KIAA2012: variants seen among roughly 807,000 people sequenced by gnomAD.
The protein encoded by KIAA2012 is KIAA2012.
Under a neutral mutation model 150.6 loss-of-function variants are expected in KIAA2012, and 125 were observed. The ratio of observed to expected loss-of-function variants is 0.83; its 90% CI spans 0.72 to 0.96. The LOEUF (loss-of-function observed/expected upper bound fraction) is 0.96, where lower values mean the gene tolerates loss of function less well. Ranked by LOEUF, KIAA2012 falls within the 40% of genes least tolerant of loss-of-function variation. The probability of loss-of-function intolerance (pLI) is 0.00; values close to 1 mark genes in which losing one functional copy is unlikely to be tolerated. For missense variants in KIAA2012, 1,219 were observed against 1,354.9 expected (o/e 0.90, Z 1.57); for synonymous variants, 462 against 504.7 (o/e 0.92, Z 1.13).
intron 9 of KIAA2012, among the ~76,000 whole-genome samples, chr2:202,107,317 A>C (rs1234231461): frequency 6.6e-6 from 1 of 152,118 alleles, no homozygotes; most frequent in Non-Finnish European, 1.5e-5. Flanking sequence ...AGGTTTCGAG[A>C]ATGTCCTTTG....
At chr2:202,117,973 A>G (rs1386786896) in intron 11 of KIAA2012, among the ~76,000 whole-genome samples, 1 of 151,742 alleles carries the variant, frequency 6.6e-6, no homozygotes, top group African/African-American at 2.4e-5. Context: ...GATGATTTCT[A>G]AGGTTCTCCT....
In KIAA2012 at chr2:202,113,245, C is replaced by T. The variant is rs1293928424; in HGVS notation, c.1652-91C>T. ...ACATAGGCATCTACGGGTGTGTGCC[C>T]GCGGGGGACCAGGGGAACATGGCCC... On this transcript the variant is annotated intron_variant, in intron 10 of 23. Coordinates refer to ENST00000498697, the MANE Select transcript of KIAA2012 (RefSeq NM_001277372.4). The T allele has an allele frequency of 4.3e-5, 40 of 938,026 alleles. No individual in the cohort carries two copies. In the East Asian group the frequency reaches 9.2e-4, roughly 22 times the overall value. 58.1% of individuals were successfully genotyped at this position (938,026 alleles called of 1,614,324 possible).
In KIAA2012 at chr2:202,193,420, G is replaced by A. The variant is rs1482797987; in HGVS notation, c.2931G>A (p.Gln977=). The A allele has an allele frequency of 6.4e-7, 1 of 1,550,388 alleles. No individual in the cohort carries two copies. The highest frequency in any genetic ancestry group is 1.2e-5 in the South Asian group (1 of 84,048). Residue 977 remains glutamine (Q), a synonymous_variant, in exon 20 of 24, where the codon CAG becomes CAA. Coordinates refer to ENST00000498697, the MANE Select transcript of KIAA2012 (RefSeq NM_001277372.4). The part of the protein sequence containing the change: ...KKRREQEEQR[Q]LQQEQLERAK... ...GAAGGGAGCAGGAAGAGCAAAGGCA[G>A]CTCCAGCAGGAGCAGCTGGAGAGAG...
intron 15 of KIAA2012, among the ~76,000 whole-genome samples, chr2:202,170,086 T>C (rs758752894): frequency 6.6e-6 from 1 of 152,188 alleles, no homozygotes; most frequent in East Asian, 1.9e-4. Flanking sequence ...CCACCTTCAC[T>C]GTGTCCTACA....
At chr2:202,164,106 TCCAGGA>T (rs1691711128) in intron 14 of KIAA2012, among the ~76,000 whole-genome samples, 2 of 152,008 alleles carry the variant, frequency 1.3e-5, no homozygotes, top group East Asian at 3.9e-4. Flanking sequence ...CGGAGAGACT[TCCAGGA>T]CCCTTCATGC....
At chr2:202,120,692 T>C (rs1690635156) in intron 11 of KIAA2012, among the ~76,000 whole-genome samples, 1 of 152,216 alleles carries the variant, frequency 6.6e-6, no homozygotes, top group Non-Finnish European at 1.5e-5. Context: ...AAGCACTCCC[T>C]CACATCTTTT....
intron 15 of KIAA2012, among the ~76,000 whole-genome samples, chr2:202,167,898 C>T (rs1028572929): frequency 6.6e-6 from 1 of 152,026 alleles, no homozygotes; most frequent in African/African-American, 2.4e-5. Context: ...AATTGGTTGG[C>T]AGGCACTGTT....
rs190636815 is a variant in KIAA2012, at chr2:202,090,926, G to T, written c.526G>T (p.Ala176Ser). Reference sequence around the variant, plus strand: ...AGACGCCATGTATAGGCTCTGGTGCGCAGGTCAGTGGGGAAATGGGAGGGG... The same window carrying T: ...AGACGCCATGTATAGGCTCTGGTGCTCAGGTCAGTGGGGAAATGGGAGGGG... ...PPDAMYRLWC[A>S]GYIKDSVLLQ... is the part of the protein sequence containing the mutation. Residue 176 changes from alanine to serine, a missense_variant, in exon 3 of 24, where the codon GCA becomes TCA. Coordinates refer to ENST00000498697, the MANE Select transcript of KIAA2012 (RefSeq NM_001277372.4). 1.9e-6 allele frequency: 3 copies of T among 1,545,042 alleles called. No homozygotes were observed. The highest frequency in any genetic ancestry group is 2.6e-6 in the Non-Finnish European group (3 of 1,143,088).
intron 2 of KIAA2012, among the ~76,000 whole-genome samples, chr2:202,077,477 G>A (rs952157044): frequency 1.3e-5 from 2 of 152,182 alleles, no homozygotes; most frequent in Admixed American, 1.3e-4. Flanking sequence ...CTATCTTCCT[G>A]TGGCATCCAT....
intron 15 of KIAA2012, among the ~76,000 whole-genome samples, chr2:202,180,219 C>G (rs142598560): frequency 2.1e-5 from 3 of 145,098 alleles, no homozygotes; most frequent in African/African-American, 7.7e-5. Flanking sequence ...TGCGGAGAGC[C>G]GAGATCGCGA....
At chr2:202,105,194 G>A (rs569031310) in intron 8 of KIAA2012, among the ~76,000 whole-genome samples, 2 of 150,508 alleles carry the variant, frequency 1.3e-5, no homozygotes, top group African/African-American at 4.9e-5. Flanking sequence ...GGAAGGAAGG[G>A]AAGAAATGAA....
intron 2 of KIAA2012, chr2:202,076,817 G>A (rs1689334831): frequency 2.6e-6 from 1 of 380,916 alleles, no homozygotes; most frequent in Non-Finnish European, 5.2e-6. Context: ...TGCTGGTCAT[G>A]GCCTGTTTGT....
chr2:202,107,233 CA>C (rs11315273), intron 9 of KIAA2012, among the ~76,000 whole-genome samples: 63,643 of 129,318 alleles, frequency 0.49, 14,598 homozygotes, highest in South Asian at 0.61. Context: ...TAACTAATAC[CA>C]AAAAAAAAAT....
At chr2:202,116,048 TA>T (rs1690513674) in intron 11 of KIAA2012, 1 of 152,216 alleles carries the variant, frequency 6.6e-6, no homozygotes, top group Non-Finnish European at 1.5e-5. Flanking sequence ...AACCACTGGA[TA>T]TGCCCTCTGA....
intron 2 of KIAA2012, among the ~76,000 whole-genome samples, chr2:202,081,223 C>T (rs148199423): frequency 7.6e-4 from 116 of 152,316 alleles, no homozygotes; most frequent in Middle Eastern, 6.8e-3. Flanking sequence ...TGTATGTATA[C>T]ACCACATCTT....
rs1429680847 is a variant in KIAA2012, at chr2:202,194,181, T to C, written c.3015-9T>C. The C allele has an allele frequency of 6.5e-7, 1 of 1,550,114 alleles. No individual in the cohort carries two copies. The highest frequency in any genetic ancestry group is 1.4e-5 in the African/African-American group (1 of 73,080). ...CTGCCATTTCCCTGACCATCTTGGG[T>C]TTTCTCAGCTTGAGGAAACAGAGAC... On this transcript the variant is annotated splice_polypyrimidine_tract_variant and intron_variant, in intron 20 of 23. Coordinates refer to ENST00000498697, the MANE Select transcript of KIAA2012 (RefSeq NM_001277372.4).
intron 3 of KIAA2012, among the ~76,000 whole-genome samples, chr2:202,092,675 C>G (rs770807662): frequency 1.1e-4 from 16 of 152,108 alleles, no homozygotes; most frequent in Non-Finnish European, 2.4e-4. Flanking sequence ...ATCATGGGGC[C>G]TACAGAAGCA....
chr2:202,174,807 A>G (rs1691959072), intron 15 of KIAA2012, among the ~76,000 whole-genome samples: 1 of 152,120 alleles, frequency 6.6e-6, no homozygotes, highest in African/African-American at 2.4e-5. Flanking sequence ...TTTTTTTATT[A>G]TTATTATACT....
chr2:202,186,857 T>C, intron 16 of KIAA2012, 76 bp from the exon 17 acceptor site: 1 of 1,443,906 alleles, frequency 6.9e-7, no homozygotes, highest in Non-Finnish European at 9.4e-7. Flanking sequence ...AGGTGCTCGA[T>C]GTTGGCTCAC....
Sources: allele counts gnomAD v4.1 joint callset (sites outside exome capture counted in the v4.1 genomes callset), GRCh38; gene constraint gnomAD v4.1.1; transcripts MANE v1.5; gene names NCBI Gene and HGNC (gene_info 2026-07-23, HGNC 2026-07-21).